The following TMC7 variants were observed in gnomAD, a reference collection of about 807,000 sequenced individuals.
TMC7 encodes transmembrane channel like 7, also known as transmembrane channel-like protein 7.
In TMC7, 54 loss-of-function variants were observed where a neutral mutation model predicts 82.9. The ratio of observed to expected loss-of-function variants is 0.65; its 90% confidence interval spans 0.52 to 0.82. TMC7 has a LOEUF of 0.82. Among genes scored for constraint, TMC7 ranks in the 40% least tolerant of loss-of-function variants. The probability of loss-of-function intolerance (pLI) is 0.00; values close to 1 mark genes in which losing one functional copy is unlikely to be tolerated. For synonymous variants in TMC7, 350 were observed against 337.9 expected, an observed-to-expected ratio of 1.04 and a Z score of -0.39; for missense variants, 820 against 901.2, an observed-to-expected ratio of 0.91 and a Z score of 1.15.
intron 1 of TMC7, among the ~76,000 whole-genome samples, chr16:18,995,953 T>G (rs1303740531): frequency 1.3e-5 from 2 of 151,858 alleles, no homozygotes; most frequent in African/African-American, 2.4e-5. Flanking sequence ...CTGGGCTGGG[T>G]TTTTATATTT....
chr16:19,058,682 C>A (rs1394706713), intron 14 of TMC7, among the ~76,000 whole-genome samples: 2 of 152,176 alleles, frequency 1.3e-5, no homozygotes, highest in Non-Finnish European at 2.9e-5. Flanking sequence ...GTTTCTTATA[C>A]CCTCTGCTTG....
intron 1 of TMC7, among the ~76,000 whole-genome samples, chr16:18,989,544 T>C (rs1034597584): frequency 1.7e-4 from 24 of 141,992 alleles, no homozygotes; most frequent in Non-Finnish European, 3.3e-4. Flanking sequence ...GACCTTCTGA[T>C]GCTCTGTCCC....
chr16:19,016,808 A>G (rs183962160), intron 3 of TMC7, among the ~76,000 whole-genome samples: 1 of 152,234 alleles, frequency 6.6e-6, no homozygotes, highest in East Asian at 1.9e-4. Context: ...CAGTTGTTGT[A>G]TTTATCTTGG....
intron 13 of TMC7, among the ~76,000 whole-genome samples, chr16:19,055,310 A>G (rs1277497794): frequency 6.6e-6 from 1 of 152,094 alleles, no homozygotes; most frequent in Non-Finnish European, 1.5e-5. Context: ...TACTAATACC[A>G]TGTTTCTGTC....
chr16:18,989,901 A>G (rs534489433), intron 1 of TMC7, among the ~76,000 whole-genome samples: 36 of 152,070 alleles, frequency 2.4e-4, no homozygotes, highest in East Asian at 5.8e-4. Flanking sequence ...ATGCGCGTCC[A>G]TGTGAAGAGA....
chr16:19,049,053 CA>C (rs1413921449), intron 12 of TMC7, among the ~76,000 whole-genome samples: 2 of 152,026 alleles, frequency 1.3e-5, no homozygotes, highest in African/African-American at 2.4e-5. Flanking sequence ...TTTTTTGAGA[CA>C]GGGCCTCACT....
chr16:19,057,140 A>AAAAC (rs1378785867), intron 14 of TMC7, among the ~76,000 whole-genome samples: 1 of 152,076 alleles, frequency 6.6e-6, no homozygotes, highest in Non-Finnish European at 1.5e-5. Flanking sequence ...CCCTGTCTCA[A>AAAAC]AAACAAATAA....
chr16:19,014,146 G>C (rs779868870), intron 2 of TMC7, among the ~76,000 whole-genome samples: 1 of 152,000 alleles, frequency 6.6e-6, no homozygotes, highest in Non-Finnish European at 1.5e-5. Flanking sequence ...GATTACAGGC[G>C]TGAGCCACCA....
chr16:19,000,930 G>A (rs1165873192), intron 1 of TMC7, among the ~76,000 whole-genome samples: 1 of 152,108 alleles, frequency 6.6e-6, no homozygotes, highest in Admixed American at 6.5e-5. Flanking sequence ...TGAGGCCAGA[G>A]GATTGCTTGA....
rs1248495375 is a variant in TMC7 at position 18,983,966 on chromosome 16, T to G, written c.-98T>G. 1 of 1,267,292 alleles carries G rather than the reference T, an allele frequency of 7.9e-7. No homozygotes were observed. Among genetic ancestry groups the G allele is most frequent in the Non-Finnish European group, 1.0e-6 (1 of 988,268 alleles). 78.5% of individuals were successfully genotyped at this position (1,267,292 alleles called of 1,614,324 possible). A position where few individuals can be genotyped will look rare whatever the true frequency, so the allele number is the denominator to read the frequency against. On this transcript the variant is annotated 5_prime_UTR_variant, in exon 1 of 16. Transcript: ENST00000304381. ...CTTCTGTGATGTCAGCGCCGGAACC[T>G]GGAATCCCGGCTCCGCGAGGGAAGG...
chr16:19,061,376 T>C lies in TMC7; in HGVS notation c.2107-402T>C, dbSNP rs555256434. On this transcript the variant is annotated intron_variant, in intron 15 of 15. Coordinates refer to ENST00000304381, the MANE Select transcript of TMC7 (RefSeq NM_024847.4). ...GTTGGTCAGGCTGGTCTGAAACTTCTGACCTCAGGTGATCCACCTGCCTTG... is the reference window on the plus strand; with the variant it reads ...GTTGGTCAGGCTGGTCTGAAACTTCCGACCTCAGGTGATCCACCTGCCTTG... Among the ~76,000 whole-genome samples the C allele has an allele frequency of 2.6e-5, 4 of 152,304 alleles. No homozygotes were observed. In the East Asian group the frequency reaches 7.7e-4, roughly 29 times the overall value.
intron 12 of TMC7, 147 bp downstream of exon 12, chr16:19,047,396 A>C: frequency 1.6e-6 from 1 of 612,570 alleles, no homozygotes; most frequent in South Asian, 2.8e-5. Flanking sequence ...CTAGAAAAAT[A>C]TTGCTTTTTT....
At chr16:19,014,298 T>C (rs748427096) in intron 2 of TMC7, among the ~76,000 whole-genome samples, 9 of 152,246 alleles carry the variant, frequency 5.9e-5, no homozygotes, top group African/African-American at 9.6e-5. Flanking sequence ...CTCCCCCAAG[T>C]TGTGACAATC....
At chr16:19,004,986 A>G (rs1431353287) in intron 1 of TMC7, among the ~76,000 whole-genome samples, 1 of 152,018 alleles carries the variant, frequency 6.6e-6, no homozygotes, top group African/African-American at 2.4e-5. Flanking sequence ...CCACACCAGC[A>G]CAATGGGGAT....
chr16:19,009,317 C>A lies in TMC7; in HGVS notation c.213C>A (p.Asp71Glu), dbSNP rs753660104. Residue 71 changes from aspartate (D) to glutamate (E), a missense_variant, in exon 2 of 16, where the codon GAC becomes GAA. Coordinates refer to ENST00000304381, the MANE Select transcript of TMC7 (RefSeq NM_024847.4). ...KQSGTLLKPTDSYSSQLEDRI... is the reference protein window; with the variant it reads ...KQSGTLLKPTESYSSQLEDRI... ...GCGGAACTTTGCTAAAGCCAACCGA[C>A]TCTTACAGCTCCCAGCTGGAGGACA... 6.2e-7 allele frequency: 1 copy of A among 1,614,226 alleles called. No homozygotes were observed. Among genetic ancestry groups the A allele is most frequent in the South Asian group, 1.1e-5 (1 of 91,086 alleles).
At chr16:19,011,153 G>A (rs1233927647) in intron 2 of TMC7, among the ~76,000 whole-genome samples, 1 of 152,116 alleles carries the variant, frequency 6.6e-6, no homozygotes, top group East Asian at 1.9e-4. Flanking sequence ...ATTTCTACCA[G>A]AGAGAATTTA....
At chr16:19,044,009 A>G (rs1365473382) in intron 9 of TMC7, among the ~76,000 whole-genome samples, 1 of 152,096 alleles carries the variant, frequency 6.6e-6, no homozygotes, top group Non-Finnish European at 1.5e-5. Flanking sequence ...AGCTGGGACT[A>G]CAGGCGTGTG....
In TMC7 at chr16:19,041,059, T is replaced by G. The variant is rs1960991309; in HGVS notation, c.1337+613T>G. Among the ~76,000 whole-genome samples, 4 of 151,502 alleles carry G rather than the reference T, an allele frequency of 2.6e-5. No individual in the cohort carries two copies. In the South Asian group the frequency reaches 8.4e-4, roughly 32 times the overall value. ...ACATGCACCACCATGCCCAGCTAAT[T>G]AAAAAAATTTTTTTTTTTGTAGAGA... On this transcript the variant is annotated intron_variant, in intron 9 of 15. Coordinates refer to ENST00000304381, the MANE Select transcript of TMC7 (RefSeq NM_024847.4).
intron 5 of TMC7, 54 bp from the exon 6 acceptor site, chr16:19,030,170 G>A (rs546403187): frequency 1.7e-5 from 26 of 1,564,116 alleles, no homozygotes; most frequent in African/African-American, 4.1e-5. Context: ...CTACTCTTCT[G>A]GTTCCCTGCA....
Sources: allele counts gnomAD v4.1 joint callset (sites outside exome capture counted in the v4.1 genomes callset), GRCh38; gene constraint gnomAD v4.1.1; transcripts MANE v1.5; gene names NCBI Gene and HGNC (gene_info 2026-07-23, HGNC 2026-07-21).